FAR2: variants seen among roughly 807,000 people sequenced by gnomAD.
FAR2 encodes the protein epididymis secretory protein Li 81.
A neutral mutation model predicts 56.0 loss-of-function variants in FAR2; 19 were observed. The ratio of observed to expected loss-of-function variants is 0.34; its 90% CI spans 0.24 to 0.50. The LOEUF (loss-of-function observed/expected upper bound fraction) is 0.50, where lower values mean the gene tolerates loss of function less well. FAR2 is among the 20% of genes least tolerant of loss of function. FAR2 has a pLI of 0.98. For missense variants in FAR2, 508 were observed against 642.2 expected (o/e 0.79, Z 2.26); for synonymous variants, 219 against 218.8 (o/e 1.00, Z -0.01).
chr12:29,179,890 C>T (rs954240543), intron 1 of FAR2, among the ~76,000 whole-genome samples: 7 of 152,320 alleles, frequency 4.6e-5, no homozygotes, highest in Admixed American at 3.3e-4. Flanking sequence ...TCTATGACTA[C>T]TTCCAAGAGG....
Position 29,195,177 on chromosome 12 carries a change from CCTT to C in FAR2, c.-39+45774_-39+45776del, listed in dbSNP as rs571717773. Among the ~76,000 whole-genome samples, 8 of 152,306 alleles carry C rather than the reference CCTT, an allele frequency of 5.3e-5. No individual in the cohort carries two copies. In the South Asian group the frequency reaches 1.7e-3, roughly 32 times the overall value. ...ATGTCAATACATTTTCTGACGCAGT[CCTT>C]CTTGCACTTTAAACTGGGTGTCAAT... On this transcript the variant is annotated intron_variant, in intron 1 of 11. Transcript: ENST00000536681.
intron 1 of FAR2, among the ~76,000 whole-genome samples, chr12:29,192,381 C>A (rs12821923): frequency 0.25 from 38,469 of 152,040 alleles, 5,168 homozygotes; most frequent in East Asian, 0.35. Context: ...CCAAAGAAGC[C>A]AAGAAGACTA....
At chr12:29,323,643 G>T (rs913471519) in intron 10 of FAR2, among the ~76,000 whole-genome samples, 7 of 152,184 alleles carry the variant, frequency 4.6e-5, no homozygotes, top group African/African-American at 1.7e-4. Flanking sequence ...ACAGGGTCTG[G>T]AGTGGACCTC....
intron 1 of FAR2, among the ~76,000 whole-genome samples, chr12:29,243,154 G>A (rs1948066336): frequency 1.3e-5 from 2 of 152,186 alleles, no homozygotes; most frequent in South Asian, 2.1e-4. Context: ...GGCACCCTGC[G>A]TGATTGGTTA....
At chr12:29,169,317 G>A (rs1230356822) in intron 1 of FAR2, among the ~76,000 whole-genome samples, 2 of 152,010 alleles carry the variant, frequency 1.3e-5, no homozygotes, top group Non-Finnish European at 2.9e-5. Context: ...GGGTCAGTGG[G>A]TCAGTCCAGA....
intron 1 of FAR2, among the ~76,000 whole-genome samples, chr12:29,253,273 A>ATAAC (rs1948252641): frequency 6.6e-5 from 1 of 15,240 alleles, no homozygotes; most frequent in African/African-American, 2.1e-4. Context: ...ATAGATATCT[A>ATAAC]TATATCGATA....
At chr12:29,332,927 AC>A (rs1949753482) in intron 11 of FAR2, 200 bp downstream of exon 11, 1 of 654,842 alleles carries the variant, frequency 1.5e-6, no homozygotes, top group African/African-American at 1.8e-5. Context: ...TACTTTTGTT[AC>A]CCCATTTTTA....
At chr12:29,289,392 C>G (rs535241588) in intron 2 of FAR2, among the ~76,000 whole-genome samples, 1 of 152,224 alleles carries the variant, frequency 6.6e-6, no homozygotes, top group South Asian at 2.1e-4. Flanking sequence ...AAAATCCACA[C>G]ACCTACAGTG....
In FAR2 at chr12:29,217,739, T is replaced by C. The variant is rs148478383; in HGVS notation, c.-38-52673T>C. 7.2e-5 allele frequency among the ~76,000 whole-genome samples: 11 copies of C among 152,218 alleles called. No individual in the cohort carries two copies. The East Asian group carries it at 1.9e-3, about 27-fold the overall frequency. On this transcript the variant is annotated intron_variant, in intron 1 of 11. Coordinates refer to ENST00000536681, the MANE Select transcript of FAR2 (RefSeq NM_001271783.2). The stretch of plus-strand genomic sequence containing the variant: ...AATATATTTACTCCCCTTTATATGG[T>C]TTTTTAAAATACAATGTTCCAGCAT...
At chr12:29,314,432 C>CTTTTTTT (rs35073792) in intron 8 of FAR2, among the ~76,000 whole-genome samples, 1 of 143,974 alleles carries the variant, frequency 6.9e-6, no homozygotes, top group Non-Finnish European at 1.5e-5. Flanking sequence ...CCCTGTAGAT[C>CTTTTTTT]TTTTTTTTTT....
intron 2 of FAR2, chr12:29,281,317 G>A (rs1346654937): frequency 2.6e-5 from 4 of 152,222 alleles, no homozygotes; most frequent in African/African-American, 4.8e-5. Context: ...TAACCATAAG[G>A]AAATCCTGAT....
intron 1 of FAR2, among the ~76,000 whole-genome samples, chr12:29,158,502 G>A (rs1949751545): frequency 6.6e-6 from 1 of 152,242 alleles, no homozygotes; most frequent in South Asian, 2.1e-4. Context: ...GCAGAAGTGT[G>A]ACATTGCCTC....
chr12:29,199,326 G>A (rs943787691), intron 1 of FAR2, among the ~76,000 whole-genome samples: 18 of 152,154 alleles, frequency 1.2e-4, no homozygotes, highest in Non-Finnish European at 2.4e-4. Flanking sequence ...TCAGCCGGGC[G>A]CGGTGGCTCA....
chr12:29,284,781 T>G, intron 2 of FAR2, among the ~76,000 whole-genome samples: 1 of 152,166 alleles, frequency 6.6e-6, no homozygotes, highest in African/African-American at 2.4e-5. Flanking sequence ...AGAAAACATC[T>G]TCAAAGAAAA....
chr12:29,310,928 T>A lies in FAR2; in HGVS notation c.769-100T>A, dbSNP rs1038222276. ...AGCAGTGGATCAATGTTAGCTGTTT[T>A]CACTTATTGCACTAGTATAACCAGT... is the stretch of plus-strand genomic sequence containing the variant. On this transcript the variant is annotated intron_variant, in intron 6 of 11. Coordinates refer to ENST00000536681, the MANE Select transcript of FAR2 (RefSeq NM_001271783.2). The A allele has an allele frequency of 3.3e-5, 28 of 861,408 alleles. No individual in the cohort carries two copies. The African/African-American group carries it at 4.5e-4, about 14-fold the overall frequency. The allele number at this position is 861,408 out of a possible 1,614,324, so 53.4% of individuals were successfully genotyped here. A position where few individuals can be genotyped will look rare whatever the true frequency, so the allele number is the denominator to read the frequency against.
intron 1 of FAR2, among the ~76,000 whole-genome samples, chr12:29,172,759 G>A (rs1050185462): frequency 6.6e-6 from 1 of 152,210 alleles, no homozygotes; most frequent in Admixed American, 6.5e-5. Flanking sequence ...AGCCGCTCGA[G>A]GAAGGCAGAA....
At chr12:29,327,557 T>C (rs1251113895) in intron 10 of FAR2, among the ~76,000 whole-genome samples, 1 of 152,088 alleles carries the variant, frequency 6.6e-6, no homozygotes, top group Non-Finnish European at 1.5e-5. Context: ...AAAACAGAGA[T>C]AGAGACCAAT....
At chr12:29,206,617 A>G (rs917133772) in intron 1 of FAR2, among the ~76,000 whole-genome samples, 11 of 152,200 alleles carry the variant, frequency 7.2e-5, no homozygotes, top group African/African-American at 2.7e-4. Context: ...CTCAATTCTC[A>G]CAATTTCTGC....
chr12:29,299,063 A>T (rs1400526206), intron 4 of FAR2, among the ~76,000 whole-genome samples: 1 of 152,036 alleles, frequency 6.6e-6, no homozygotes, highest in South Asian at 2.1e-4. Flanking sequence ...AATACAAAAA[A>T]TTAGCTAGGT....
Sources: gnomAD v4.1 joint callset for allele counts (sites outside exome capture counted in the v4.1 genomes callset) on GRCh38, gnomAD v4.1.1 for gene constraint, MANE v1.5 for transcripts, NCBI Gene and HGNC (gene_info 2026-07-23, HGNC 2026-07-21) for gene names.